FARS2: variants seen among roughly 807,000 people sequenced by gnomAD.
FARS2 encodes phenylalanine--tRNA ligase, mitochondrial.
A neutral mutation model predicts 46.4 loss-of-function variants in FARS2; 40 were observed. That is an observed-to-expected ratio of 0.86 (90% confidence interval 0.67 to 1.12). The LOEUF (loss-of-function observed/expected upper bound fraction) is 1.12, where lower values mean the gene tolerates loss of function less well. FARS2 is among the 50% of genes most tolerant of loss of function. The pLI is 0.00. For synonymous variants in FARS2, 234 were observed against 214.9 expected (o/e 1.09, Z -0.78); for missense variants, 513 against 567.9 (o/e 0.90, Z 0.98).
intron 6 of FARS2, among the ~76,000 whole-genome samples, chr6:5,644,594 A>G (rs1776985080): frequency 6.6e-6 from 1 of 152,096 alleles, no homozygotes; most frequent in African/African-American, 2.4e-5. Flanking sequence ...AAACATACTC[A>G]GCATCTTTAG....
At chr6:5,620,112 GT>G (rs1561757371) in intron 6 of FARS2, among the ~76,000 whole-genome samples, 1 of 151,794 alleles carries the variant, frequency 6.6e-6, no homozygotes, top group Non-Finnish European at 1.5e-5. Context: ...TTTGGGCCTG[GT>G]AACTCTTTGT....
chr6:5,651,471 G>A (rs1217428490), intron 6 of FARS2, among the ~76,000 whole-genome samples: 1 of 152,190 alleles, frequency 6.6e-6, no homozygotes, highest in Admixed American at 6.5e-5. Context: ...AAAGCAAGGT[G>A]TTTCCACCAA....
At chr6:5,658,286 A>G (rs970539784) in intron 6 of FARS2, among the ~76,000 whole-genome samples, 1 of 151,724 alleles carries the variant, frequency 6.6e-6, no homozygotes, top group Non-Finnish European at 1.5e-5. Flanking sequence ...AACTTAGAAC[A>G]GTGCCTGGCA....
At chr6:5,584,108 GACACACACACAC>G (rs143867485) in intron 5 of FARS2, among the ~76,000 whole-genome samples, 21 of 122,944 alleles carry the variant, frequency 1.7e-4, no homozygotes, top group African/African-American at 5.5e-4. Flanking sequence ...TTCTCTCTCT[GACACACACACAC>G]ACACACACAC....
chr6:5,362,829 A>T (rs1279940314), intron 1 of FARS2, among the ~76,000 whole-genome samples: 1 of 151,386 alleles, frequency 6.6e-6, no homozygotes, highest in African/African-American at 2.4e-5. Flanking sequence ...TCTGATGACT[A>T]GTGATTTTGA....
chr6:5,557,422 A>G (rs748072294), intron 5 of FARS2, among the ~76,000 whole-genome samples: 2 of 152,288 alleles, frequency 1.3e-5, no homozygotes, highest in African/African-American at 4.8e-5. Context: ...TCCTTTTCAT[A>G]AGAGTGAGGG....
intron 3 of FARS2, among the ~76,000 whole-genome samples, chr6:5,412,457 G>A (rs977404378): frequency 6.6e-6 from 1 of 152,150 alleles, no homozygotes; most frequent in Non-Finnish European, 1.5e-5. Context: ...TTCAGATAAC[G>A]TGCTTGCCAG....
At chr6:5,649,850 T>C (rs1020643895) in intron 6 of FARS2, among the ~76,000 whole-genome samples, 2 of 152,224 alleles carry the variant, frequency 1.3e-5, no homozygotes, top group Non-Finnish European at 2.9e-5. Flanking sequence ...GGTCTAGGGT[T>C]GCTCATGAGT....
chr6:5,537,590 C>T (rs1245095396), intron 4 of FARS2, among the ~76,000 whole-genome samples: 2 of 143,054 alleles, frequency 1.4e-5, no homozygotes, highest in African/African-American at 2.7e-5. Flanking sequence ...GGAGATGTCC[C>T]GGGCTTCCTC....
intron 4 of FARS2, among the ~76,000 whole-genome samples, chr6:5,486,132 A>G (rs550498462): frequency 3.3e-5 from 5 of 152,376 alleles, no homozygotes; most frequent in African/African-American, 1.2e-4. Context: ...TGCTTAGCAC[A>G]GGGCCATTCA....
At chr6:5,770,403 GC>G (rs1284146861) in intron 6 of FARS2, among the ~76,000 whole-genome samples, 14 of 96,438 alleles carry the variant, frequency 1.5e-4, no homozygotes, top group Admixed American at 9.0e-4. Flanking sequence ...TGTTGTTGTT[GC>G]TGCTGCTGCT....
At position 5,767,414 on chromosome 6, in the gene FARS2, A is replaced by G. The variant is rs148817207; in HGVS notation, c.1218-3877A>G. 7.7e-3 allele frequency among the ~76,000 whole-genome samples: 1,169 copies of G among 152,330 alleles called. 22 individuals are homozygous for G. The highest frequency in any genetic ancestry group is 0.067 in the East Asian group (345 of 5,184). On this transcript the variant is annotated intron_variant, in intron 6 of 6. Coordinates refer to ENST00000274680, the MANE Select transcript of FARS2 (RefSeq NM_006567.5). ...TTTGGCAATTGTGAATAATACTGCT[A>G]TGAACATTCTTGGACAGGTTTTTGT...
chr6:5,268,109 T>G lies in FARS2; in HGVS notation c.-22+6449T>G, dbSNP rs564339900. Among the ~76,000 whole-genome samples the G allele has an allele frequency of 2.4e-3, 361 of 152,312 alleles. 1 individual carries two copies. Among genetic ancestry groups the G allele is most frequent in the African/African-American group, 7.7e-3 (321 of 41,552 alleles). On this transcript the variant is annotated intron_variant, in intron 1 of 6. Transcript: ENST00000274680. ...TTTGTAGATTCTGGATATTAGCCCT[T>G]TGTCAGATGGATAGATTGCAAAAAT...
chr6:5,477,315 C>T (rs1766181427), intron 4 of FARS2, among the ~76,000 whole-genome samples: 1 of 152,200 alleles, frequency 6.6e-6, no homozygotes, highest in Admixed American at 6.5e-5. Context: ...CAGCTCACAA[C>T]AGACCTCCTT....
At chr6:5,297,233 TC>T (rs1767955738) in intron 1 of FARS2, among the ~76,000 whole-genome samples, 1 of 151,990 alleles carries the variant, frequency 6.6e-6, no homozygotes, top group Non-Finnish European at 1.5e-5. Context: ...GCACAGAGAG[TC>T]CAAGGGGCAT....
chr6:5,738,010 G>A (rs751036871), intron 6 of FARS2, among the ~76,000 whole-genome samples: 1 of 152,204 alleles, frequency 6.6e-6, no homozygotes, highest in Non-Finnish European at 1.5e-5. Context: ...GAGTGCAGTG[G>A]TGCAATCATG....
chr6:5,530,696 C>T (rs947103912), intron 4 of FARS2, among the ~76,000 whole-genome samples: 2 of 144,996 alleles, frequency 1.4e-5, no homozygotes, highest in African/African-American at 5.0e-5. Flanking sequence ...ATATATATAA[C>T]AATAACAATA....
intron 1 of FARS2, among the ~76,000 whole-genome samples, chr6:5,327,093 T>C (rs1290969843): frequency 1.3e-5 from 2 of 152,176 alleles, no homozygotes; most frequent in Non-Finnish European, 2.9e-5. Context: ...GCTGGAGTGA[T>C]AGCTCAATTT....
chr6:5,499,047 A>G (rs796190613), intron 4 of FARS2, among the ~76,000 whole-genome samples: 6 of 152,208 alleles, frequency 3.9e-5, no homozygotes, highest in African/African-American at 1.4e-4. Context: ...ACAGGCATGC[A>G]CCACCACGCC....
Sources: gnomAD v4.1 joint callset for allele counts (sites outside exome capture counted in the v4.1 genomes callset) on GRCh38, gnomAD v4.1.1 for gene constraint, MANE v1.5 for transcripts, NCBI Gene and HGNC (gene_info 2026-07-23, HGNC 2026-07-21) for gene names.